Variants in CTNND2 observed in about 807,000 individuals in gnomAD.
The protein encoded by CTNND2 is catenin delta 2.
Under a neutral mutation model 144.4 loss-of-function variants are expected in CTNND2, and 22 were observed. The ratio of observed to expected loss-of-function variants is 0.15; its 90% CI spans 0.11 to 0.22. The LOEUF (loss-of-function observed/expected upper bound fraction) is 0.22. CTNND2 is among the 10% of genes least tolerant of loss of function. The pLI is 1.00. For missense variants in CTNND2, 1,353 were observed against 1,618.8 expected (o/e 0.84, Z 2.82); for synonymous variants, 751 against 695.6 (o/e 1.08, Z -1.25).
At chr5:11,407,518 T>C (rs1761190873) in intron 5 of CTNND2, among the ~76,000 whole-genome samples, 1 of 152,230 alleles carries the variant, frequency 6.6e-6, no homozygotes, top group Non-Finnish European at 1.5e-5. Flanking sequence ...TCAAATTTTA[T>C]TTTAATCAGA....
intron 16 of CTNND2, among the ~76,000 whole-genome samples, chr5:11,036,739 C>T (rs764419149): frequency 1.2e-4 from 19 of 152,276 alleles, no homozygotes; most frequent in African/African-American, 3.9e-4. Context: ...ACCATCTTTG[C>T]GGTTTCTCAG....
chr5:11,770,408 AAAGGAAAGAAGG>A (rs72187778), intron 1 of CTNND2, among the ~76,000 whole-genome samples: 115,321 of 142,008 alleles, frequency 0.81, 49,080 homozygotes, highest in South Asian at 0.96. Flanking sequence ...AAACAGAAAA[AAAGGAAAGAAGG>A]AAGGAAGGAA....
chr5:11,470,211 G>A (rs541848089), intron 3 of CTNND2, among the ~76,000 whole-genome samples: 17 of 152,196 alleles, frequency 1.1e-4, no homozygotes, highest in African/African-American at 3.9e-4. Context: ...CGAGACAGGC[G>A]GATCACCTGA....
chr5:11,643,211 TTTTA>T (rs1173921376), intron 2 of CTNND2, among the ~76,000 whole-genome samples: 3 of 148,274 alleles, frequency 2.0e-5, no homozygotes, highest in Admixed American at 1.3e-4. Context: ...ACATTTAATA[TTTTA>T]TTTTTTATTT....
At chr5:11,112,569 C>T (rs1753106273) in intron 13 of CTNND2, among the ~76,000 whole-genome samples, 2 of 152,210 alleles carry the variant, frequency 1.3e-5, no homozygotes, top group South Asian at 4.1e-4. Flanking sequence ...GGTTCAGCCA[C>T]CAAGTTTGTG....
chr5:11,762,998 A>T (rs1198170504), intron 1 of CTNND2, among the ~76,000 whole-genome samples: 2 of 152,240 alleles, frequency 1.3e-5, no homozygotes, highest in African/African-American at 2.4e-5. Context: ...GGTGGATCTG[A>T]GTAGGAGGTG....
At chr5:11,726,855 TTATCAAAAGGACAGATAGGTATA>T (rs1787051117) in intron 2 of CTNND2, among the ~76,000 whole-genome samples, 1 of 152,138 alleles carries the variant, frequency 6.6e-6, no homozygotes, top group African/African-American at 2.4e-5. Context: ...GAGTTTGAAA[TTATCAAAAGGACAGATAGGTATA>T]TAAGTGTCCT....
chr5:10,976,529 C>T (rs538315593), intron 21 of CTNND2, among the ~76,000 whole-genome samples: 10 of 152,318 alleles, frequency 6.6e-5, no homozygotes, highest in East Asian at 3.9e-4. Flanking sequence ...TTTGCCTTAA[C>T]GCTGCATCTT....
chr5:11,418,200 A>G (rs918287329), intron 3 of CTNND2, among the ~76,000 whole-genome samples: 1 of 152,086 alleles, frequency 6.6e-6, no homozygotes, highest in African/African-American at 2.4e-5. Context: ...TGAGGTTGGG[A>G]GTTCGAGGCC....
intron 1 of CTNND2, among the ~76,000 whole-genome samples, chr5:11,887,266 A>G (rs1219211766): frequency 1.3e-5 from 2 of 152,124 alleles, no homozygotes; most frequent in African/African-American, 4.8e-5. Context: ...TACAGGCAGG[A>G]GCCACCACAT....
intron 8 of CTNND2, among the ~76,000 whole-genome samples, chr5:11,351,667 G>A (rs2149748736): frequency 6.6e-6 from 1 of 152,108 alleles, no homozygotes; most frequent in South Asian, 2.1e-4. Flanking sequence ...ACAAGAATCT[G>A]GGCACACAGT....
At chr5:11,546,491 T>C (rs925259294) in intron 3 of CTNND2, among the ~76,000 whole-genome samples, 1 of 152,142 alleles carries the variant, frequency 6.6e-6, no homozygotes, top group Non-Finnish European at 1.5e-5. Flanking sequence ...CCTAAAGAAG[T>C]CTACAAATTA....
intron 13 of CTNND2, among the ~76,000 whole-genome samples, chr5:11,116,493 GT>G (rs2149693139): frequency 6.6e-6 from 1 of 152,326 alleles, no homozygotes; most frequent in Admixed American, 6.5e-5. Context: ...GGTAAAGTTT[GT>G]GTTTATAACA....
chr5:11,886,416 T>C (rs533624360), intron 1 of CTNND2, among the ~76,000 whole-genome samples: 32 of 152,260 alleles, frequency 2.1e-4, no homozygotes, highest in African/African-American at 7.7e-4. Flanking sequence ...TATGAATAAC[T>C]GTATGCCAAA....
At chr5:11,365,485 A>G (rs1369976840) in intron 7 of CTNND2, among the ~76,000 whole-genome samples, 1 of 152,202 alleles carries the variant, frequency 6.6e-6, no homozygotes, top group East Asian at 1.9e-4. Context: ...CTCTAAATTG[A>G]AGCATTTACA....
At chr5:11,746,043 G>A (rs1047726508) in intron 1 of CTNND2, among the ~76,000 whole-genome samples, 1 of 152,264 alleles carries the variant, frequency 6.6e-6, no homozygotes. Context: ...CTGACACAGA[G>A]GATAGAGTTC....
At chr5:11,746,101 A>T (rs1361385935) in intron 1 of CTNND2, among the ~76,000 whole-genome samples, 1 of 152,068 alleles carries the variant, frequency 6.6e-6, no homozygotes, top group Non-Finnish European at 1.5e-5. Context: ...TGGCCCACAC[A>T]TCTCCACTCT....
chr5:11,304,300 G>A (rs573684677), intron 9 of CTNND2, among the ~76,000 whole-genome samples: 22 of 150,428 alleles, frequency 1.5e-4, no homozygotes, highest in African/African-American at 5.4e-4. Flanking sequence ...ATACATAAAT[G>A]CATTACACAC....
At chr5:11,836,816 A>G (rs536471588) in intron 1 of CTNND2, among the ~76,000 whole-genome samples, 46 of 152,368 alleles carry the variant, frequency 3.0e-4, no homozygotes, top group African/African-American at 1.1e-3. Flanking sequence ...TACAATCACA[A>G]GAGAGCTGAC....
Sources: allele counts gnomAD v4.1 joint callset (sites outside exome capture counted in the v4.1 genomes callset), GRCh38; gene constraint gnomAD v4.1.1; transcripts MANE v1.5; gene names NCBI Gene and HGNC (gene_info 2026-07-23, HGNC 2026-07-21).